Variants in PEAK1 observed in about 807,000 individuals in gnomAD.
PEAK1 encodes the protein inactive tyrosine-protein kinase PEAK1.
Under a neutral mutation model 124.7 loss-of-function variants are expected in PEAK1, and 54 were observed. The observed-to-expected ratio is 0.43, with a 90% CI of 0.35 to 0.54. The LOEUF (loss-of-function observed/expected upper bound fraction) is 0.54, where lower values mean the gene tolerates loss of function less well. Among genes scored for constraint, PEAK1 ranks in the 20% least tolerant of loss-of-function variants. PEAK1 has a pLI of 0.01. For missense variants in PEAK1, 2,046 were observed against 2,134.5 expected, an observed-to-expected ratio of 0.96 and a Z score of 0.82; for synonymous variants, 719 against 760.0, an observed-to-expected ratio of 0.95 and a Z score of 0.89.
chr15:77,282,895 T>G (rs757065048), intron 5 of PEAK1, among the ~76,000 whole-genome samples: 1 of 152,162 alleles, frequency 6.6e-6, no homozygotes, highest in Non-Finnish European at 1.5e-5. Flanking sequence ...CCTCTTCATC[T>G]TTTCCTTTAA....
At chr15:77,132,183 T>C (rs2052921729) in intron 9 of PEAK1, among the ~76,000 whole-genome samples, 1 of 151,566 alleles carries the variant, frequency 6.6e-6, no homozygotes, top group Non-Finnish European at 1.5e-5. Context: ...TGGGCTCAGG[T>C]GATCCTCCCA....
intron 2 of PEAK1, chr15:77,334,979 C>G (rs951082891): frequency 5.1e-6 from 5 of 985,376 alleles, no homozygotes; most frequent in Non-Finnish European, 6.0e-6. Flanking sequence ...GTTGAGCTAT[C>G]CAGCAATCTG....
rs914644320 is a variant in PEAK1, at chr15:77,370,748, C to G, written c.-665-5523G>C. The G allele has an allele frequency of 1.2e-5, 12 of 984,780 alleles. No individual in the cohort carries two copies. The South Asian group carries it at 5.6e-4, about 46-fold the overall frequency. The allele number at this position is 984,780 out of a possible 1,614,324, so 61.0% of individuals were successfully genotyped here. A position where few individuals can be genotyped will look rare whatever the true frequency, so the allele number is the denominator to read the frequency against. ...TTGTGAACATAAAAATCCAACACAT[C>G]GAGCCAGGCACGGTGACTCATGCCT... On this transcript the variant is annotated intron_variant, in intron 1 of 9. Coordinates refer to ENST00000682557, the MANE Select transcript of PEAK1 (RefSeq NM_001385026.1).
intron 6 of PEAK1, among the ~76,000 whole-genome samples, chr15:77,250,960 A>G (rs2060851672): frequency 6.6e-6 from 1 of 152,240 alleles, no homozygotes; most frequent in Non-Finnish European, 1.5e-5. Flanking sequence ...ATTTACCAAC[A>G]TGAAACAGGT....
intron 2 of PEAK1, among the ~76,000 whole-genome samples, chr15:77,305,791 G>A (rs765332559): frequency 6.6e-6 from 1 of 152,054 alleles, no homozygotes; most frequent in Non-Finnish European, 1.5e-5. Flanking sequence ...ACATCTTCCC[G>A]CATACTTTAA....
chr15:77,277,669 T>TA (rs2062407613), intron 5 of PEAK1, among the ~76,000 whole-genome samples: 1 of 152,156 alleles, frequency 6.6e-6, no homozygotes, highest in South Asian at 2.1e-4. Flanking sequence ...ACCATACCTG[T>TA]AAGTAAATAT....
intron 1 of PEAK1, among the ~76,000 whole-genome samples, chr15:77,410,945 T>C (rs149577284): frequency 1.5e-4 from 23 of 152,340 alleles, no homozygotes; most frequent in Non-Finnish European, 2.6e-4. Context: ...CCTCATGCCA[T>C]ACTACCACCT....
intron 5 of PEAK1, among the ~76,000 whole-genome samples, chr15:77,280,041 TATG>T (rs1460547060): frequency 6.6e-6 from 1 of 152,134 alleles, no homozygotes; most frequent in Non-Finnish European, 1.5e-5. Flanking sequence ...TCACAGAACT[TATG>T]TTAAGTCAGT....
At chr15:77,134,786 C>G (rs2053176552) in intron 8 of PEAK1, among the ~76,000 whole-genome samples, 1 of 152,034 alleles carries the variant, frequency 6.6e-6, no homozygotes, top group South Asian at 2.1e-4. Flanking sequence ...GAATTATATC[C>G]CCCAAAAAGG....
At chr15:77,200,481 T>C (rs1567106450) in intron 6 of PEAK1, among the ~76,000 whole-genome samples, 1 of 152,144 alleles carries the variant, frequency 6.6e-6, no homozygotes, top group Non-Finnish European at 1.5e-5. Context: ...CAATGTATGG[T>C]CTGTAGCCCC....
intron 6 of PEAK1, among the ~76,000 whole-genome samples, chr15:77,241,974 A>G: frequency 6.6e-6 from 1 of 152,164 alleles, no homozygotes; most frequent in Middle Eastern, 3.4e-3. Context: ...ATATATAACA[A>G]ATATTTTTCC....
chr15:77,409,125 C>T (rs113171644), intron 1 of PEAK1, among the ~76,000 whole-genome samples: 2 of 152,012 alleles, frequency 1.3e-5, no homozygotes, highest in African/African-American at 2.4e-5. Context: ...TCTTCCCTTG[C>T]GATAACAAAA....
At chr15:77,218,049 C>A (rs1247827166) in intron 6 of PEAK1, among the ~76,000 whole-genome samples, 1 of 152,126 alleles carries the variant, frequency 6.6e-6, no homozygotes, top group Non-Finnish European at 1.5e-5. Flanking sequence ...ATCACGTCAT[C>A]TGGAAATAAG....
At chr15:77,213,311 T>C (rs1464436777) in intron 6 of PEAK1, among the ~76,000 whole-genome samples, 2 of 152,086 alleles carry the variant, frequency 1.3e-5, no homozygotes, top group African/African-American at 2.4e-5. Context: ...AAAATGATAA[T>C]TAGGACCCTA....
intron 1 of PEAK1, among the ~76,000 whole-genome samples, chr15:77,416,418 C>T (rs1422982654): frequency 6.6e-6 from 1 of 152,192 alleles, no homozygotes; most frequent in African/African-American, 2.4e-5. Flanking sequence ...CTTCTACACT[C>T]TTCATCATTT....
chr15:77,377,050 T>C (rs2069082865), intron 1 of PEAK1, among the ~76,000 whole-genome samples: 1 of 152,182 alleles, frequency 6.6e-6, no homozygotes, highest in Non-Finnish European at 1.5e-5. Flanking sequence ...TGTTACTATA[T>C]TGAATACTGT....
downstream of PEAK1, chr15:77,105,338 G>A (rs2050738011): frequency 7.0e-6 from 1 of 142,864 alleles, no homozygotes; most frequent in African/African-American, 2.6e-5. Flanking sequence ...GTGTGTGTGT[G>A]TGTGTGTGTG....
chr15:77,301,450 G>T (rs1236027198), intron 2 of PEAK1, among the ~76,000 whole-genome samples: 1 of 152,184 alleles, frequency 6.6e-6, no homozygotes, highest in African/African-American at 2.4e-5. Context: ...AGGTTAGGAT[G>T]TGGACATAAT....
At chr15:77,201,059 G>C (rs1048570606) in intron 6 of PEAK1, among the ~76,000 whole-genome samples, 1 of 151,804 alleles carries the variant, frequency 6.6e-6, no homozygotes, top group African/African-American at 2.4e-5. Flanking sequence ...TTTCTCCTCA[G>C]ATTTACATGT....
Sources: gnomAD v4.1 joint callset for allele counts (sites outside exome capture counted in the v4.1 genomes callset) on GRCh38, gnomAD v4.1.1 for gene constraint, MANE v1.5 for transcripts, NCBI Gene and HGNC (gene_info 2026-07-23, HGNC 2026-07-21) for gene names.